The following HPD variants were observed in gnomAD, a reference collection of about 807,000 sequenced individuals.
The protein encoded by HPD is 4-hydroxyphenylpyruvic acid oxidase.
A neutral mutation model predicts 56.9 loss-of-function variants in HPD; 35 were observed. The ratio of observed to expected loss-of-function variants is 0.62; its 90% CI spans 0.47 to 0.82. The LOEUF (loss-of-function observed/expected upper bound fraction) is 0.82. Among genes scored for constraint, HPD ranks in the 40% least tolerant of loss-of-function variants. The pLI, the probability that HPD is intolerant of heterozygous loss-of-function variation, is 0.00. For missense variants in HPD, 442 were observed against 506.8 expected (o/e 0.87, Z 1.23); for synonymous variants, 186 against 200.2 (o/e 0.93, Z 0.60).
chr12:121,877,592 G>A, the HPD span, among the ~76,000 whole-genome samples: 2 of 152,158 alleles, frequency 1.3e-5, no homozygotes, highest in African/African-American at 4.8e-5. Flanking sequence ...AATGAGCCGA[G>A]TGTGGTGGCA....
At position 121,851,859 on chromosome 12, in the gene HPD, G is replaced by A. The variant is rs1283719780; in HGVS notation, c.415-2069C>T. On this transcript the variant is annotated intron_variant, in intron 7 of 13. Transcript: ENST00000289004. ...CGAGTAGCTGGGACTACAGGCGCCC[G>A]CTACCACGCCCGGCTACTTTTTTGT... 5.2e-3 allele frequency among the ~76,000 whole-genome samples: 149 copies of A among 28,432 alleles called. 2 individuals carry two copies. The highest frequency in any genetic ancestry group is 7.8e-3 in the Admixed American group (27 of 3,482). The allele number at this position is 28,432 out of a possible 152,430, so 18.7% of individuals were successfully genotyped here. A position where few individuals can be genotyped will look rare whatever the true frequency, so the allele number is the denominator to read the frequency against.
At chr12:121,876,724 A>G in the HPD span, among the ~76,000 whole-genome samples, 1 of 151,892 alleles carries the variant, frequency 6.6e-6, no homozygotes, top group African/African-American at 2.4e-5. Context: ...TTGGCCTCTG[A>G]TTTGCTGAAT....
rs35849071 is a variant in HPD, at chr12:121,841,200, CA to C, written c.955-1153del. On this transcript the variant is annotated intron_variant, in intron 12 of 13. Coordinates refer to ENST00000289004, the MANE Select transcript of HPD (RefSeq NM_002150.3). ...TGGGCAACAGAGCAAGACTCTGTCT[CA>C]AAAAAAAAAAAAAAAAAATTAGCTG... 8.5e-3 allele frequency among the ~76,000 whole-genome samples: 759 copies of C among 89,390 alleles called. 2 individuals carry two copies. The highest frequency in any genetic ancestry group is 8.5e-3 in the African/African-American group (223 of 26,230). 58.6% of individuals were successfully genotyped at this position (89,390 alleles called of 152,430 possible).
intron 11 of HPD, among the ~76,000 whole-genome samples, chr12:121,845,600 C>CAAA (rs368263414): frequency 3.2e-5 from 3 of 92,682 alleles, no homozygotes; most frequent in Admixed American, 1.2e-4. Context: ...GGCTCCGTCT[C>CAAA]AAAAAAAAAA....
rs577454250 is a variant in HPD, at chr12:121,852,428, C to A, written c.414+2275G>T. On this transcript the variant is annotated intron_variant, in intron 7 of 13. Coordinates refer to ENST00000289004, the MANE Select transcript of HPD (RefSeq NM_002150.3). ...CAAGTGATCCTCCTGCCTCAGCCTC[C>A]CAAACTGCTGGGATTATAGGTGTGA... 9.3e-4 allele frequency among the ~76,000 whole-genome samples: 142 copies of A among 152,138 alleles called. 1 individual carries two copies. The highest frequency in any genetic ancestry group is 9.3e-3 in the Admixed American group (142 of 15,258).
the HPD span, among the ~76,000 whole-genome samples, chr12:121,883,376 T>C: frequency 1.3e-5 from 2 of 151,826 alleles, no homozygotes; most frequent in Non-Finnish European, 2.9e-5. Flanking sequence ...CTTTGGAGAC[T>C]GGGTTAAAGT....
chr12:121,859,316 A>G (rs1878115636), upstream of HPD: 1 of 225,878 alleles, frequency 4.4e-6, no homozygotes, highest in Non-Finnish European at 8.9e-6. Flanking sequence ...TGTTACATAC[A>G]GTGTGACTTG....
chr12:121,859,771 A>G (rs566135755), upstream of HPD, among the ~76,000 whole-genome samples: 2 of 152,332 alleles, frequency 1.3e-5, no homozygotes, highest in South Asian at 4.1e-4. Flanking sequence ...TGGGCCATTC[A>G]GGAGGCAGGC....
At chr12:121,869,797 T>A in the HPD span, among the ~76,000 whole-genome samples, 7 of 152,226 alleles carry the variant, frequency 4.6e-5, no homozygotes, top group African/African-American at 7.2e-5. Flanking sequence ...AGTGCTGGAA[T>A]TACTGGCGTG....
intron 9 of HPD, among the ~76,000 whole-genome samples, chr12:121,847,857 G>T (rs2137617095): frequency 6.6e-6 from 1 of 152,196 alleles, no homozygotes; most frequent in South Asian, 2.1e-4. Flanking sequence ...TAGAGATGGG[G>T]TCTCACTATG....
intron 4 of HPD, chr12:121,857,086 T>G (rs1236627964): frequency 1.4e-5 from 7 of 507,598 alleles, no homozygotes; most frequent in East Asian, 1.1e-4. Context: ...TTGTTTTTTG[T>G]TTTTTTTTGT....
At chr12:121,856,774 TC>T in intron 4 of HPD, 149 bp from the exon 5 acceptor site, 1 of 743,586 alleles carries the variant, frequency 1.3e-6, no homozygotes. Context: ...TGCCTTAGTT[TC>T]CCACACTGGT....
chr12:121,876,818 T>C, the HPD span, among the ~76,000 whole-genome samples: 1 of 152,072 alleles, frequency 6.6e-6, no homozygotes, highest in South Asian at 2.1e-4. Context: ...GCGCGGTGGC[T>C]CATGCCTGTA....
At chr12:121,880,961 ATT>A in the HPD span, among the ~76,000 whole-genome samples, 4 of 152,018 alleles carry the variant, frequency 2.6e-5, no homozygotes, top group Admixed American at 2.0e-4. Flanking sequence ...CGCCAGGCTA[ATT>A]TTTTGTATTT....
chr12:121,883,290 A>AT, the HPD span, among the ~76,000 whole-genome samples: 2 of 150,892 alleles, frequency 1.3e-5, no homozygotes, highest in Admixed American at 1.3e-4. Flanking sequence ...CAGGAGTCTT[A>AT]AAGGCCAAGA....
the HPD span, among the ~76,000 whole-genome samples, chr12:121,869,865 T>C: frequency 1.3e-5 from 2 of 152,218 alleles, no homozygotes; most frequent in East Asian, 3.8e-4. Context: ...CAACAGCTTT[T>C]AATTTTGATG....
At chr12:121,843,502 C>T (rs377714818) in intron 12 of HPD, among the ~76,000 whole-genome samples, 59 of 152,360 alleles carry the variant, frequency 3.9e-4, no homozygotes, top group African/African-American at 1.4e-3. Flanking sequence ...CCTGTTTGAA[C>T]TTCCTGCACT....
the HPD span, among the ~76,000 whole-genome samples, chr12:121,880,431 T>A: frequency 2.0e-5 from 3 of 152,114 alleles, no homozygotes; most frequent in African/African-American, 7.2e-5. Flanking sequence ...CCTGACCTCG[T>A]GATCCACCCG....
the HPD span, among the ~76,000 whole-genome samples, chr12:121,885,136 C>T: frequency 3.9e-4 from 60 of 151,986 alleles, 2 homozygotes; most frequent in Non-Finnish European, 2.1e-4. Context: ...AGTGATCCAC[C>T]CCCCTCAGCC....
Sources: gnomAD v4.1 joint callset for allele counts (sites outside exome capture counted in the v4.1 genomes callset) on GRCh38, gnomAD v4.1.1 for gene constraint, MANE v1.5 for transcripts, NCBI Gene and HGNC (gene_info 2026-07-23, HGNC 2026-07-21) for gene names.